The following BTG4 variants were observed in gnomAD, a reference collection of about 807,000 sequenced individuals.
The protein encoded by BTG4 is protein BTG4.
Under a neutral mutation model 19.3 loss-of-function variants are expected in BTG4, and 10 were observed. The observed-to-expected ratio is 0.52, with a 90% CI of 0.32 to 0.88. The LOEUF is 0.88. BTG4 is among the 40% of genes least tolerant of loss of function. The pLI is 0.04. For synonymous variants in BTG4, 91 were observed against 95.7 expected (o/e 0.95, Z 0.29); for missense variants, 238 against 281.9 (o/e 0.84, Z 1.11).
the BTG4 span, chr11:111,455,167 T>A: frequency 1.1e-3 from 468 of 431,016 alleles, 2 homozygotes; most frequent in African/African-American, 8.3e-3. Flanking sequence ...CCAGGCTCCC[T>A]CCCTTAGCAC....
intron 5 of BTG4, among the ~76,000 whole-genome samples, chr11:111,487,372 A>C (rs1865133497): frequency 6.6e-6 from 1 of 152,140 alleles, no homozygotes; most frequent in African/African-American, 2.4e-5. Flanking sequence ...GTCATATGAT[A>C]ATTTTGATCG....
chr11:111,506,939 C>A (rs1866492883), intron 1 of BTG4, among the ~76,000 whole-genome samples: 2 of 151,714 alleles, frequency 1.3e-5, no homozygotes, highest in South Asian at 2.1e-4. Context: ...GAGCTAAGAG[C>A]AGAAAGGACA....
the BTG4 span, chr11:111,449,997 G>A: frequency 6.6e-6 from 1 of 152,392 alleles, no homozygotes; most frequent in East Asian, 1.9e-4. Flanking sequence ...GGGTCCAGAG[G>A]CTGCTGCTGC....
chr11:111,410,735 T>C, the BTG4 span, among the ~76,000 whole-genome samples: 19 of 152,318 alleles, frequency 1.2e-4, no homozygotes, highest in Non-Finnish European at 2.2e-4. Flanking sequence ...TATAAGCAAA[T>C]GCATCCTCAA....
At chr11:111,391,340 T>C in the BTG4 span, among the ~76,000 whole-genome samples, 1 of 152,158 alleles carries the variant, frequency 6.6e-6, no homozygotes, top group African/African-American at 2.4e-5. Flanking sequence ...GCTCCAAATT[T>C]TTTGTAGGTT....
At chr11:111,454,399 G>A in the BTG4 span, 5 of 435,634 alleles carry the variant, frequency 1.1e-5, 1 homozygote, top group Admixed American at 1.1e-4. Flanking sequence ...CAAGACTGGA[G>A]GAACATGTGG....
chr11:111,436,183 C>A, the BTG4 span, among the ~76,000 whole-genome samples: 1 of 152,046 alleles, frequency 6.6e-6, no homozygotes. Context: ...GAGCCCAATC[C>A]GTCTTACTCT....
At chr11:111,510,687 T>C (rs1866833727) in intron 1 of BTG4, among the ~76,000 whole-genome samples, 1 of 152,206 alleles carries the variant, frequency 6.6e-6, no homozygotes, top group African/African-American at 2.4e-5. Flanking sequence ...TGTCGTTATT[T>C]AAATTTTTAG....
intron 5 of BTG4, among the ~76,000 whole-genome samples, chr11:111,470,266 T>A (rs993447878): frequency 1.3e-5 from 2 of 152,176 alleles, no homozygotes; most frequent in African/African-American, 4.8e-5. Flanking sequence ...TAATTTTTTG[T>A]AGAGACAGGG....
At chr11:111,481,862 A>T (rs1023439519) in intron 5 of BTG4, among the ~76,000 whole-genome samples, 1 of 151,944 alleles carries the variant, frequency 6.6e-6, no homozygotes, top group Non-Finnish European at 1.5e-5. Flanking sequence ...TACAAAATTG[A>T]TGAGTATCTA....
intron 1 of BTG4, among the ~76,000 whole-genome samples, chr11:111,500,429 T>C (rs1865997830): frequency 1.3e-5 from 2 of 152,230 alleles, no homozygotes; most frequent in Non-Finnish European, 2.9e-5. Context: ...CAGACCTTCC[T>C]TTCTGTGTGG....
the BTG4 span, among the ~76,000 whole-genome samples, chr11:111,432,880 C>T: frequency 6.6e-6 from 1 of 151,700 alleles, no homozygotes; most frequent in African/African-American, 2.4e-5. Flanking sequence ...TTTGTAGAGA[C>T]AAGGTCTCAG....
chr11:111,410,670 T>C, the BTG4 span, among the ~76,000 whole-genome samples: 35 of 152,200 alleles, frequency 2.3e-4, no homozygotes, highest in African/African-American at 7.7e-4. Context: ...TGAGATGAAG[T>C]AGAAGATCCT....
the BTG4 span, among the ~76,000 whole-genome samples, chr11:111,410,144 C>T: frequency 6.6e-6 from 1 of 152,038 alleles, no homozygotes; most frequent in Non-Finnish European, 1.5e-5. Flanking sequence ...GCCTCAACTT[C>T]CTCATTTGTA....
intron 1 of BTG4, among the ~76,000 whole-genome samples, chr11:111,501,085 T>C (rs773920357): frequency 2.6e-5 from 4 of 151,926 alleles, no homozygotes; most frequent in Non-Finnish European, 5.9e-5. Flanking sequence ...CACTTGTTCT[T>C]GAGCTGGGCA....
the BTG4 span, among the ~76,000 whole-genome samples, chr11:111,427,884 C>A: frequency 6.6e-6 from 1 of 152,118 alleles, no homozygotes; most frequent in East Asian, 1.9e-4. Flanking sequence ...GTGACAGAGG[C>A]GTCACATCAC....
the BTG4 span, chr11:111,386,274 T>C: frequency 6.6e-6 from 1 of 152,216 alleles, no homozygotes; most frequent in East Asian, 1.9e-4. Flanking sequence ...TGTGCCAAGT[T>C]CTATTCCAGG....
chr11:111,481,538 AC>A (rs916293936), intron 5 of BTG4, among the ~76,000 whole-genome samples: 1 of 151,868 alleles, frequency 6.6e-6, no homozygotes, highest in Non-Finnish European at 1.5e-5. Flanking sequence ...AGAACTGTAG[AC>A]CAATATATTT....
chr11:111,409,902 T>C, the BTG4 span, among the ~76,000 whole-genome samples: 1 of 152,206 alleles, frequency 6.6e-6, no homozygotes, highest in Admixed American at 6.5e-5. Flanking sequence ...AGCTAATGTA[T>C]TGGAGTGATA....
Sources: gnomAD v4.1 joint callset for allele counts (sites outside exome capture counted in the v4.1 genomes callset) on GRCh38, gnomAD v4.1.1 for gene constraint, MANE v1.5 for transcripts, NCBI Gene and HGNC (gene_info 2026-07-23, HGNC 2026-07-21) for gene names.